Variants in NACC2 observed in about 807,000 individuals in gnomAD.
The protein encoded by NACC2 is nucleus accumbens-associated protein 2.
NACC2 carries 8 observed loss-of-function variants against 25.1 expected under a neutral mutation model. The observed-to-expected ratio is 0.32, with a 90% CI of 0.19 to 0.57. The LOEUF (loss-of-function observed/expected upper bound fraction) is 0.57. Ranked by LOEUF, NACC2 falls within the 20% of genes least tolerant of loss-of-function variation. NACC2 has a pLI of 0.89. For synonymous variants in NACC2, 435 were observed against 294.7 expected (o/e 1.48, Z -4.88); for missense variants, 644 against 650.2 (o/e 0.99, Z 0.10).
chr9:136,071,029 A>T (rs945736280), intron 1 of NACC2, among the ~76,000 whole-genome samples: 9 of 151,476 alleles, frequency 5.9e-5, no homozygotes, highest in Admixed American at 1.3e-4. Context: ...CAGGAGTTCA[A>T]GACCAGTCTG....
At chr9:136,021,551 G>A (rs1188328669) in intron 2 of NACC2, among the ~76,000 whole-genome samples, 3 of 152,184 alleles carry the variant, frequency 2.0e-5, no homozygotes, top group African/African-American at 7.2e-5. Context: ...CTGCTTGGTG[G>A]CTTCTTGTCA....
chr9:136,024,203 A>G (rs1840342936), intron 2 of NACC2, among the ~76,000 whole-genome samples: 1 of 101,490 alleles, frequency 9.9e-6, no homozygotes, highest in African/African-American at 4.1e-5. Flanking sequence ...GTGTGTGAGG[A>G]CAGAGTGTGT....
Position 136,095,269 on chromosome 9 carries a change from C to G in NACC2, c.-140G>C, listed in dbSNP as rs1447397696. ...GGAAGTGCTTGGCGTCCCGGCGCTC[C>G]GGCTCCCATGGACTTTCTCCGACCT... On this transcript the variant is annotated 5_prime_UTR_variant, in exon 1 of 6. Transcript: ENST00000277554. 1 of 147,504 alleles carries G rather than the reference C, an allele frequency of 6.8e-6. No homozygotes were observed. Among genetic ancestry groups the G allele is most frequent in the African/African-American group, 2.4e-5 (1 of 40,908 alleles). The allele number at this position is 147,504 out of a possible 1,614,324, so 9.1% of individuals were successfully genotyped here. A position where few individuals can be genotyped will look rare whatever the true frequency, so the allele number is the denominator to read the frequency against.
chr9:136,071,661 G>T (rs78251394), intron 1 of NACC2, among the ~76,000 whole-genome samples: 1,537 of 151,756 alleles, frequency 0.01, 28 homozygotes, highest in African/African-American at 0.035. Flanking sequence ...TTTTGAGAGA[G>T]AATTAAGTGG....
At chr9:136,093,062 C>T (rs1235192308) in intron 1 of NACC2, among the ~76,000 whole-genome samples, 1 of 152,162 alleles carries the variant, frequency 6.6e-6, no homozygotes, top group Non-Finnish European at 1.5e-5. Flanking sequence ...TCCAGGGACA[C>T]AGGTCAGAGG....
Position 136,069,578 on chromosome 9 carries a change from C to CA in NACC2, c.-59-18999dup, listed in dbSNP as rs931855636. ...CAAAACAAAACAAAACAAAACAAAA[C>CA]AAAAAAAACACCTCACTTCAAATAT... On this transcript the variant is annotated intron_variant, in intron 1 of 5. Transcript: ENST00000277554. 1.3e-4 allele frequency among the ~76,000 whole-genome samples: 19 copies of CA among 148,990 alleles called. 2 individuals carry two copies. The South Asian group carries it at 1.9e-3, about 15-fold the overall frequency.
chr9:136,092,224 G>A (rs1430988390), intron 1 of NACC2, among the ~76,000 whole-genome samples: 1 of 152,228 alleles, frequency 6.6e-6, no homozygotes, highest in Non-Finnish European at 1.5e-5. Flanking sequence ...GAAATGCTGG[G>A]GAGAGGGCAC....
intron 1 of NACC2, among the ~76,000 whole-genome samples, chr9:136,079,620 G>A (rs925871946): frequency 6.6e-6 from 1 of 152,188 alleles, no homozygotes; most frequent in Non-Finnish European, 1.5e-5. Context: ...GCAGAAGAGA[G>A]GCCAGAGGCC....
intron 2 of NACC2, among the ~76,000 whole-genome samples, chr9:136,034,861 T>TGGC (rs1319194539): frequency 6.6e-6 from 1 of 152,082 alleles, no homozygotes; most frequent in Non-Finnish European, 1.5e-5. Context: ...TGGAAGGCAC[T>TGGC]GGCGGGCCGA....
intron 3 of NACC2, among the ~76,000 whole-genome samples, chr9:136,014,826 G>C (rs948606437): frequency 1.3e-5 from 2 of 152,210 alleles, no homozygotes; most frequent in African/African-American, 2.4e-5. Context: ...TCCACGCTGT[G>C]CTGTTTACCC....
rs1008358066 is a variant in NACC2, at chr9:136,055,060, G to C, written c.-59-4480C>G. 1.3e-5 allele frequency among the ~76,000 whole-genome samples: 2 copies of C among 152,096 alleles called. No homozygotes were observed. The highest frequency in any genetic ancestry group is 2.9e-5 in the Non-Finnish European group (2 of 68,012). On this transcript the variant is annotated intron_variant, in intron 1 of 5. Transcript: ENST00000277554. The surrounding 1 kb of genome is among the most constrained non-coding windows in gnomAD (Gnocchi z 4.9). ...AGAAAATACAGGTGGCTGTGGTGTC[G>C]GAGTGGGGGGTCTCTCCTCTGCAGA... is the stretch of plus-strand genomic sequence containing the variant.
At chr9:136,040,616 C>T (rs1226626573) in intron 2 of NACC2, among the ~76,000 whole-genome samples, 8 of 151,990 alleles carry the variant, frequency 5.3e-5, no homozygotes, top group Non-Finnish European at 1.5e-5. Flanking sequence ...CCATCCACTA[C>T]TGAACTGATA....
chr9:136,089,163 G>A (rs78892281), intron 1 of NACC2, among the ~76,000 whole-genome samples: 5,281 of 152,104 alleles, frequency 0.035, 161 homozygotes, highest in East Asian at 0.17. Flanking sequence ...CCAGCGGGGC[G>A]GCAGCCACAG....
chr9:136,015,580 G>C (rs1165406307), intron 3 of NACC2, among the ~76,000 whole-genome samples: 2 of 152,198 alleles, frequency 1.3e-5, no homozygotes, highest in African/African-American at 4.8e-5. Flanking sequence ...GCCTTTGGGG[G>C]TGGACAGGAA....
Position 136,008,964 on chromosome 9 carries a change from G to A in NACC2, c.*2552C>T, listed in dbSNP as rs1588553114. Reference sequence around the variant, plus strand: ...CAAAACAGACGGCGATTACAAACGAGTGAGGAAGGGGCACGGGACATTGTG... The same window carrying A: ...CAAAACAGACGGCGATTACAAACGAATGAGGAAGGGGCACGGGACATTGTG... On this transcript the variant is annotated 3_prime_UTR_variant, in exon 6 of 6. Transcript: ENST00000277554. 6.6e-6 allele frequency: 1 copy of A among 152,434 alleles called. No individual in the cohort carries two copies. The highest frequency in any genetic ancestry group is 1.9e-4 in the East Asian group (1 of 5,186). 9.4% of individuals were successfully genotyped at this position (152,434 alleles called of 1,614,324 possible). A position where few individuals can be genotyped will look rare whatever the true frequency, so the allele number is the denominator to read the frequency against.
At chr9:136,072,546 AAAAAG>A (rs976567244) in intron 1 of NACC2, among the ~76,000 whole-genome samples, 7 of 152,146 alleles carry the variant, frequency 4.6e-5, no homozygotes, top group East Asian at 3.9e-4. Flanking sequence ...CTCTGTCTCA[AAAAAG>A]AAAAGAAAAG....
At chr9:136,094,393 C>T (rs1427950247) in intron 1 of NACC2, among the ~76,000 whole-genome samples, 2 of 152,186 alleles carry the variant, frequency 1.3e-5, no homozygotes, top group Non-Finnish European at 2.9e-5. Context: ...TGGGAGGTGA[C>T]CTCTGACCTC....
At chr9:136,041,082 AAGG>A (rs1409664776) in intron 2 of NACC2, among the ~76,000 whole-genome samples, 2 of 129,182 alleles carry the variant, frequency 1.5e-5, no homozygotes, top group African/African-American at 2.8e-5. Context: ...GAAGGAAAGG[AAGG>A]AAGCAAAGGA....
At chr9:136,060,056 GCTGCCCGCAT>G (rs1482463941) in intron 1 of NACC2, among the ~76,000 whole-genome samples, 1 of 152,252 alleles carries the variant, frequency 6.6e-6, no homozygotes, top group Non-Finnish European at 1.5e-5. Context: ...AGAGATGCCG[GCTGCCCGCAT>G]CTGCCCTGGC....
Sources: gnomAD v4.1 joint callset for allele counts (sites outside exome capture counted in the v4.1 genomes callset) on GRCh38, gnomAD v4.1.1 for gene constraint, Gnocchi (gnomAD v3.1) non-coding constraint, MANE v1.5 for transcripts, NCBI Gene and HGNC (gene_info 2026-07-23, HGNC 2026-07-21) for gene names.